The following PLXNA1 variants were observed in gnomAD, a reference collection of about 807,000 sequenced individuals.
The protein encoded by PLXNA1 is plexin A1.
A neutral mutation model predicts 191.7 loss-of-function variants in PLXNA1; 77 were observed. That is an observed-to-expected ratio of 0.40 (90% confidence interval 0.33 to 0.49). The LOEUF (loss-of-function observed/expected upper bound fraction) is 0.49, where lower values mean the gene tolerates loss of function less well. Ranked by LOEUF, PLXNA1 falls within the 20% of genes least tolerant of loss-of-function variation. The pLI, the probability that PLXNA1 is intolerant of heterozygous loss-of-function variation, is 0.63. For missense variants in PLXNA1, 2,110 were observed against 2,660.2 expected (o/e 0.79, Z 4.55); for synonymous variants, 1,137 against 1,156.4 (o/e 0.98, Z 0.34).
chr3:127,014,252 G>A lies in PLXNA1; in HGVS notation c.2481G>A (p.Glu827=), dbSNP rs778557150. The A allele has an allele frequency of 2.5e-6, 4 of 1,600,128 alleles. No homozygotes were observed. Among genetic ancestry groups the A allele is most frequent in the South Asian group, 2.2e-5 (2 of 90,048 alleles). ...GLCLKADPRF[E]CGWCVAERRC... ...GCCTCAAGGCCGACCCGCGCTTCGAGTGCGGATGGTGCGTGGCCGAGCGCC... is the reference window on the plus strand; with the variant it reads ...GCCTCAAGGCCGACCCGCGCTTCGAATGCGGATGGTGCGTGGCCGAGCGCC... The change falls in exon 12 of 32, where the codon GAG becomes GAA. Residue 827 remains glutamate (E), a synonymous_variant. Coordinates refer to ENST00000393409, the MANE Select transcript of PLXNA1 (RefSeq NM_032242.4).
intron 31 of PLXNA1, 124 bp from the exon 32 acceptor site, chr3:127,033,798 G>T (rs1189295103): frequency 1.3e-6 from 1 of 756,024 alleles, no homozygotes; most frequent in Non-Finnish European, 2.2e-6. Context: ...CACAACCAAG[G>T]TCCTTTGGCC....
intron 9 of PLXNA1, among the ~76,000 whole-genome samples, chr3:127,008,981 C>A (rs2079082067): frequency 6.6e-6 from 1 of 152,148 alleles, no homozygotes; most frequent in African/African-American, 2.4e-5. Context: ...TGGGGCGCTT[C>A]TCTGGGGGTG....
At chr3:127,001,830 G>T (rs908506855) in intron 3 of PLXNA1, among the ~76,000 whole-genome samples, 4 of 152,238 alleles carry the variant, frequency 2.6e-5, no homozygotes, top group African/African-American at 9.6e-5. Context: ...TCTGAGGGAG[G>T]CAGAGAGAGG....
chr3:127,027,714 G>A (rs2079183298), intron 23 of PLXNA1: 1 of 706,448 alleles, frequency 1.4e-6, no homozygotes, highest in Non-Finnish European at 2.5e-6. Flanking sequence ...GTAATTTAGG[G>A]TTTTCATGTG....
chr3:127,023,753 C>T (rs544476715), intron 23 of PLXNA1, among the ~76,000 whole-genome samples: 15 of 152,228 alleles, frequency 9.9e-5, no homozygotes, highest in African/African-American at 3.1e-4. Flanking sequence ...TCCTCGCTGC[C>T]GGGAGAGACA....
At chr3:126,991,606 G>A (rs375362702) in intron 3 of PLXNA1, 40 bp downstream of exon 3, 129 of 1,523,150 alleles carry the variant, frequency 8.5e-5, no homozygotes, top group Non-Finnish European at 1.1e-4. Context: ...GGGGCTTGGG[G>A]CAGGAACAAA....
At chr3:127,006,029 G>C (rs1192811982) in intron 7 of PLXNA1, 50 bp from the exon 8 acceptor site, 1 of 1,413,034 alleles carries the variant, frequency 7.1e-7, no homozygotes, top group Non-Finnish European at 1.0e-6. Flanking sequence ...TGCCCTGTGT[G>C]GGAGTCCTGG....
At chr3:127,014,885 C>T (rs2079115173) in intron 14 of PLXNA1, 54 bp downstream of exon 14, 12 of 1,583,042 alleles carry the variant, frequency 7.6e-6, no homozygotes, top group Middle Eastern at 2.1e-4. Flanking sequence ...GAGAGGGTGC[C>T]GCTCAGGGCT....
At position 127,005,175 on chromosome 3, in the gene PLXNA1, T is replaced by C; in HGVS notation, c.1829T>C (p.Leu610Pro). Reference protein sequence around the residue: ...FEDFTESESVLEDGRIHCRSP... With the variant: ...FEDFTESESVPEDGRIHCRSP... ...GACTTCACGGAATCTGAGAGCGTCC[T>C]GGAGGATGGCCGGATCCACTGCCGC... The change falls in exon 7 of 32, where the codon CTG becomes CCG. Residue 610 changes from leucine to proline, a missense_variant. By Grantham distance (98) the Leu-to-Pro change is moderately conservative. This residue lies in a region of PLXNA1 where 903 missense variants were observed against 1,015.7 expected (regional missense o/e 0.89). Coordinates refer to ENST00000393409, the MANE Select transcript of PLXNA1 (RefSeq NM_032242.4). 1 of 1,612,548 alleles carries C rather than the reference T, an allele frequency of 6.2e-7. No individual in the cohort carries two copies. The highest frequency in any genetic ancestry group is 8.5e-7 in the Non-Finnish European group (1 of 1,179,872).
At position 127,004,618 on chromosome 3, in the gene PLXNA1, G is replaced by A. The variant is rs777812102; in HGVS notation, c.1526G>A (p.Arg509Gln). 3.8e-5 allele frequency: 59 copies of A among 1,570,824 alleles called. No homozygotes were observed. The highest frequency in any genetic ancestry group is 1.1e-4 in the Admixed American group (6 of 53,354). The change falls in exon 5 of 32, where the codon CGG becomes CAG. Residue 509 changes from arginine (R) to glutamine (Q), a missense_variant. This residue lies in a region of PLXNA1 where 903 missense variants were observed against 1,015.7 expected (regional missense o/e 0.89). Coordinates refer to ENST00000393409, the MANE Select transcript of PLXNA1 (RefSeq NM_032242.4). ...LYAMTEKQVT[R>Q]VPVESCVQYT... is the part of the protein sequence containing the mutation. The stretch of plus-strand genomic sequence containing the variant: ...ACACCTCCCCCACACCAGGTGACGC[G>A]GGTGCCTGTGGAGAGCTGTGTGCAG...
chr3:127,011,875 C>T, intron 9 of PLXNA1, 83 bp from the exon 10 acceptor site: 1 of 1,281,948 alleles, frequency 7.8e-7, no homozygotes, highest in Non-Finnish European at 1.1e-6. Flanking sequence ...ACCACAGGCC[C>T]AGTGCACATC....
intron 8 of PLXNA1, 48 bp from the exon 9 acceptor site, chr3:127,007,751 C>A: frequency 8.2e-7 from 1 of 1,212,426 alleles, no homozygotes. Flanking sequence ...TGGGTGACTC[C>A]ACGTGGTTGC....
intron 20 of PLXNA1, among the ~76,000 whole-genome samples, chr3:127,018,984 T>C (rs913294494): frequency 2.0e-5 from 3 of 152,198 alleles, no homozygotes; most frequent in Admixed American, 6.5e-5. Context: ...TGGCAGTCCC[T>C]GGGCACATAG....
In PLXNA1 at chr3:127,005,205, C is replaced by T; in HGVS notation, c.1859C>T (p.Pro620Leu). 2 of 1,611,588 alleles carry T rather than the reference C, an allele frequency of 1.2e-6. No homozygotes were observed. Among genetic ancestry groups the T allele is most frequent in the Non-Finnish European group, 1.7e-6 (2 of 1,179,516 alleles). The change falls in exon 7 of 32, where the codon CCC becomes CTC. Residue 620 changes from proline to leucine, a missense_variant. By Grantham distance (98) the Pro-to-Leu change is moderately conservative (BLOSUM62 -3). Coordinates refer to ENST00000393409, the MANE Select transcript of PLXNA1 (RefSeq NM_032242.4). ...LEDGRIHCRS[P>L]SAREVAPITR... ...GATGGCCGGATCCACTGCCGCTCAC[C>T]CTCCGCCCGGGAGGTGGCGCCCATC...
chr3:126,990,593 G>T (rs1056561561), intron 2 of PLXNA1, among the ~76,000 whole-genome samples: 2 of 152,216 alleles, frequency 1.3e-5, no homozygotes, highest in Admixed American at 6.5e-5. Context: ...GCTGGGGGTC[G>T]CTGGCCATCG....
intron 1 of PLXNA1, among the ~76,000 whole-genome samples, chr3:126,983,574 G>C (rs1243300481): frequency 1.4e-5 from 2 of 147,080 alleles, no homozygotes; most frequent in Non-Finnish European, 3.0e-5. Flanking sequence ...GTGCGGCGGG[G>C]CTGGGACCGC....
At chr3:127,002,128 G>A (rs981287579) in intron 3 of PLXNA1, among the ~76,000 whole-genome samples, 1 of 152,204 alleles carries the variant, frequency 6.6e-6, no homozygotes, top group Non-Finnish European at 1.5e-5. Flanking sequence ...CTCCTGGGCC[G>A]CCCGCTGTCC....
At chr3:127,015,882 C>G (rs2079120373) in intron 15 of PLXNA1, among the ~76,000 whole-genome samples, 1 of 152,094 alleles carries the variant, frequency 6.6e-6, no homozygotes, top group African/African-American at 2.4e-5. Context: ...TGACCCCCAC[C>G]CAGGCCAGCT....
intron 2 of PLXNA1, among the ~76,000 whole-genome samples, 169 bp from the exon 3 acceptor site, chr3:126,991,215 G>A (rs2078988340): frequency 6.6e-6 from 1 of 152,212 alleles, no homozygotes. Context: ...TGCCTTTCAG[G>A]TGTGATCTGC....
Sources: allele counts gnomAD v4.1 joint callset (sites outside exome capture counted in the v4.1 genomes callset), GRCh38; gene constraint gnomAD v4.1.1; regional missense constraint gnomAD v4.1.1; transcripts MANE v1.5; gene names NCBI Gene and HGNC (gene_info 2026-07-23, HGNC 2026-07-21).